Variants in ANP32A observed in about 807,000 individuals in gnomAD.
ANP32A encodes the protein acidic nuclear phosphoprotein 32 family member A.
Under a neutral mutation model 33.9 loss-of-function variants are expected in ANP32A, and 1 was observed. The ratio of observed to expected loss-of-function variants is 0.03; its 90% CI spans 0.01 to 0.14. ANP32A has a LOEUF of 0.14. ANP32A is among the 10% of genes least tolerant of loss of function. ANP32A has a pLI of 1.00. For missense variants in ANP32A, 155 were observed against 306.0 expected (o/e 0.51, Z 3.68); for synonymous variants, 115 against 120.5 (o/e 0.95, Z 0.30).
At chr15:68,792,774 G>A (rs1894014021) in intron 1 of ANP32A, among the ~76,000 whole-genome samples, 1 of 152,142 alleles carries the variant, frequency 6.6e-6, no homozygotes, top group Non-Finnish European at 1.5e-5. Context: ...GACCTAGAGG[G>A]CTCGACCCAA....
At chr15:68,798,308 C>T (rs1894088738) in intron 1 of ANP32A, among the ~76,000 whole-genome samples, 19 of 152,222 alleles carry the variant, frequency 1.2e-4, no homozygotes, top group Admixed American at 1.2e-3. Context: ...TTCAAAGTTT[C>T]TGCCTATTCC....
At chr15:68,817,742 T>G (rs1596077883) in intron 1 of ANP32A, 1 of 152,096 alleles carries the variant, frequency 6.6e-6, no homozygotes, top group Admixed American at 6.5e-5. Context: ...GCCGTGACTC[T>G]CCAGCACAGC....
intron 1 of ANP32A, among the ~76,000 whole-genome samples, chr15:68,806,432 C>T (rs1473907263): frequency 1.3e-5 from 2 of 152,210 alleles, no homozygotes; most frequent in Non-Finnish European, 2.9e-5. Flanking sequence ...AAGTACCCTT[C>T]TGGCTTTAAG....
chr15:68,818,813 C>G (rs1894428559), intron 1 of ANP32A, among the ~76,000 whole-genome samples: 1 of 151,780 alleles, frequency 6.6e-6, no homozygotes, highest in Non-Finnish European at 1.5e-5. Flanking sequence ...GCGGGAAGAC[C>G]GCGGCCCCGG....
At position 68,778,730 on chromosome 15, in the gene ANP32A, G is replaced by C. The variant is rs1430338925; in HGVS notation, c.*1351C>G. 1.3e-5 allele frequency: 2 copies of C among 152,122 alleles called. No homozygotes were observed. Among genetic ancestry groups the C allele is most frequent in the Non-Finnish European group, 2.9e-5 (2 of 68,030 alleles). 9.4% of individuals were successfully genotyped at this position (152,122 alleles called of 1,614,324 possible). The stretch of plus-strand genomic sequence containing the variant: ...GCTTTTAATGAAGATACACCACTGA[G>C]TCTTGCTTTAAGACCAAAAATATCC... On this transcript the variant is annotated 3_prime_UTR_variant, in exon 7 of 7. Coordinates refer to ENST00000465139, the MANE Select transcript of ANP32A (RefSeq NM_006305.4).
At chr15:68,800,928 T>G (rs1407708802) in intron 1 of ANP32A, among the ~76,000 whole-genome samples, 1 of 150,914 alleles carries the variant, frequency 6.6e-6, no homozygotes, top group Non-Finnish European at 1.5e-5. Flanking sequence ...AGATCCTGAG[T>G]GGGTGGCATG....
intron 1 of ANP32A, among the ~76,000 whole-genome samples, chr15:68,811,063 G>A (rs868446412): frequency 2.6e-4 from 31 of 118,004 alleles, no homozygotes; most frequent in African/African-American, 5.3e-4. Context: ...CTCTGTCTGG[G>A]AAAAAAAAAA....
intron 1 of ANP32A, among the ~76,000 whole-genome samples, chr15:68,812,342 G>T (rs1894324536): frequency 6.6e-6 from 1 of 152,172 alleles, no homozygotes; most frequent in East Asian, 1.9e-4. Context: ...ACTGAAGGAT[G>T]GGGCCCTGGG....
At chr15:68,799,416 T>C (rs1445579775) in intron 1 of ANP32A, among the ~76,000 whole-genome samples, 4 of 152,148 alleles carry the variant, frequency 2.6e-5, no homozygotes, top group Non-Finnish European at 5.9e-5. Context: ...TGTTGTTTTT[T>C]AAAAAGAGTG....
Position 68,780,318 on chromosome 15 carries a change from G to C in ANP32A, c.688+92C>G. 1 of 1,599,534 alleles carries C rather than the reference G, an allele frequency of 6.3e-7. No individual in the cohort carries two copies. Among genetic ancestry groups the C allele is most frequent in the Non-Finnish European group, 8.5e-7 (1 of 1,172,876 alleles). On this transcript the variant is annotated intron_variant, in intron 6 of 6. Coordinates refer to ENST00000465139, the MANE Select transcript of ANP32A (RefSeq NM_006305.4). The surrounding 1 kb of genome is among the most constrained non-coding windows in gnomAD (Gnocchi z 4.3). ...CTGAGGCCTCTGACAGGAGTGTCCTGCCCACTGCCAGGGGCCTCTGAGTCT... is the reference window on the plus strand; with the variant it reads ...CTGAGGCCTCTGACAGGAGTGTCCTCCCCACTGCCAGGGGCCTCTGAGTCT...
At chr15:68,781,580 A>G (rs1022625614) in intron 5 of ANP32A, 1 of 151,910 alleles carries the variant, frequency 6.6e-6, no homozygotes, top group African/African-American at 2.4e-5. Context: ...CAGCACAACT[A>G]AACAGAAACC....
chr15:68,818,846 C>T (rs1894429438), intron 1 of ANP32A, among the ~76,000 whole-genome samples: 1 of 152,034 alleles, frequency 6.6e-6, no homozygotes, highest in South Asian at 2.1e-4. Context: ...TCACCACACC[C>T]AGCCCCCAAA....
intron 1 of ANP32A, among the ~76,000 whole-genome samples, chr15:68,804,993 G>A (rs1314864408): frequency 6.6e-6 from 1 of 152,196 alleles, no homozygotes; most frequent in Non-Finnish European, 1.5e-5. Context: ...TTATAGCTCA[G>A]TCTGGTCCTT....
rs1422080823 is a variant in ANP32A at position 68,780,521 on chromosome 15, G to C, written c.625-48C>G. ...GAACATTAGAAATGCCCTGCCTTGG[G>C]ACATGCTGAGGAAGCCACACAGAGC... On this transcript the variant is annotated intron_variant, in intron 5 of 6. Transcript: ENST00000465139. This position sits in a 1 kb window ranked among gnomAD's most constrained non-coding sequence, Gnocchi z 4.3. 1 of 1,611,832 alleles carries C rather than the reference G, an allele frequency of 6.2e-7. No homozygotes were observed.
At chr15:68,817,979 C>T (rs1292171142) in intron 1 of ANP32A, among the ~76,000 whole-genome samples, 1 of 152,160 alleles carries the variant, frequency 6.6e-6, no homozygotes, top group Non-Finnish European at 1.5e-5. Flanking sequence ...GCGGCTCCTG[C>T]CCCCCAGTAA....
At chr15:68,788,076 G>A (rs1408853127) in intron 1 of ANP32A, among the ~76,000 whole-genome samples, 157 bp from the exon 2 acceptor site, 1 of 152,092 alleles carries the variant, frequency 6.6e-6, no homozygotes, top group African/African-American at 2.4e-5. Flanking sequence ...TGCTGCCAAC[G>A]ACCACAGGAT....
At position 68,820,858 on chromosome 15, in the gene ANP32A, G is replaced by T; in HGVS notation, c.-107C>A. ...GGACTTTGAAGGCTCAACCAGCTCC[G>T]CTCGGTTCTCGAGCCCCCAGCACCC... On this transcript the variant is annotated 5_prime_UTR_variant, in exon 1 of 7. Coordinates refer to ENST00000465139, the MANE Select transcript of ANP32A (RefSeq NM_006305.4). 1.5e-6 allele frequency: 2 copies of T among 1,371,108 alleles called. No individual in the cohort carries two copies. Among genetic ancestry groups the T allele is most frequent in the Non-Finnish European group, 2.0e-6 (2 of 977,300 alleles). 84.9% of individuals were successfully genotyped at this position (1,371,108 alleles called of 1,614,324 possible).
chr15:68,808,452 C>T (rs186176220), intron 1 of ANP32A, among the ~76,000 whole-genome samples: 287 of 152,352 alleles, frequency 1.9e-3, no homozygotes, highest in African/African-American at 6.5e-3. Flanking sequence ...TCTCTTCTCT[C>T]CTACCCAGCC....
intron 1 of ANP32A, among the ~76,000 whole-genome samples, chr15:68,816,425 T>C (rs1894382898): frequency 6.6e-6 from 1 of 152,138 alleles, no homozygotes; most frequent in Admixed American, 6.5e-5. Flanking sequence ...CTCATAGTGC[T>C]GTTGTGGGGA....
Sources: allele counts gnomAD v4.1 joint callset (sites outside exome capture counted in the v4.1 genomes callset), GRCh38; gene constraint gnomAD v4.1.1; non-coding constraint Gnocchi (gnomAD v3.1); transcripts MANE v1.5; gene names NCBI Gene and HGNC (gene_info 2026-07-23, HGNC 2026-07-21).